Variants in GRID2 observed in about 807,000 individuals in gnomAD.
GRID2 encodes the protein glutamate ionotropic receptor delta type subunit 2, also known as glutamate receptor ionotropic, delta-2.
In GRID2, 33 loss-of-function variants were observed where a neutral mutation model predicts 114.8. That is an observed-to-expected ratio of 0.29 (90% CI 0.22 to 0.38). The LOEUF is 0.38. GRID2 is among the 10% of genes least tolerant of loss of function. The pLI is 1.00. For synonymous variants in GRID2, 505 were observed against 449.9 expected (o/e 1.12, Z -1.55); for missense variants, 1,184 against 1,257.7 (o/e 0.94, Z 0.89).
At chr4:93,182,807 T>C (rs1237590411) in intron 4 of GRID2, among the ~76,000 whole-genome samples, 1 of 152,234 alleles carries the variant, frequency 6.6e-6, no homozygotes, top group East Asian at 1.9e-4. Context: ...AACCTTGATT[T>C]TGTCTTTTTC....
chr4:93,300,678 G>A lies in GRID2; in HGVS notation c.1245+62188G>A, dbSNP rs1754774270. 3.3e-5 allele frequency among the ~76,000 whole-genome samples: 5 copies of A among 152,234 alleles called. No individual in the cohort carries two copies. In the South Asian group the frequency reaches 6.2e-4, roughly 19 times the overall value. On this transcript the variant is annotated intron_variant, in intron 8 of 15. Coordinates refer to ENST00000282020, the MANE Select transcript of GRID2 (RefSeq NM_001510.4). ...CCATAATACTGTAGCAGGACGAGCC[G>A]CAGACAAAACCTCTCAGACACCGAG...
chr4:92,444,248 A>T (rs895418706), intron 1 of GRID2, among the ~76,000 whole-genome samples: 17 of 152,198 alleles, frequency 1.1e-4, no homozygotes, highest in Non-Finnish European at 2.4e-4. Flanking sequence ...GCTTTGTGTG[A>T]GCGACACATC....
intron 14 of GRID2, among the ~76,000 whole-genome samples, chr4:93,753,631 A>G (rs1732513052): frequency 6.6e-6 from 1 of 152,120 alleles, no homozygotes; most frequent in South Asian, 2.1e-4. Context: ...GCTCAGAATG[A>G]CGGTTTCCAG....
At chr4:92,511,359 C>T (rs531932887) in intron 1 of GRID2, among the ~76,000 whole-genome samples, 3 of 151,932 alleles carry the variant, frequency 2.0e-5, no homozygotes, top group African/African-American at 7.2e-5. Flanking sequence ...AAGAATCTGC[C>T]CCCATGATCC....
chr4:92,672,615 G>T (rs947857475), intron 2 of GRID2, among the ~76,000 whole-genome samples: 1 of 151,854 alleles, frequency 6.6e-6, no homozygotes, highest in Non-Finnish European at 1.5e-5. Context: ...TGTACTTATT[G>T]GCATGGATGT....
intron 2 of GRID2, among the ~76,000 whole-genome samples, chr4:92,598,407 AT>A (rs1729052670): frequency 6.6e-6 from 1 of 151,922 alleles, no homozygotes; most frequent in Admixed American, 6.6e-5. Context: ...TTATAGTACT[AT>A]TTTTAAACTC....
In GRID2 at chr4:93,644,302, G is replaced by A. The variant is rs549161015; in HGVS notation, c.2360+17867G>A. Among the ~76,000 whole-genome samples the A allele has an allele frequency of 1.8e-4, 25 of 140,296 alleles. 5 individuals are homozygous for A. In the East Asian group the frequency reaches 4.1e-3, roughly 23 times the overall value. The allele number at this position is 140,296 out of a possible 152,430, so 92.0% of individuals were successfully genotyped here. ...TCGCTCACGCTGGGAGCTGTAGACC[G>A]GAGCTGTTCCTATTCGGCCATCTTG... On this transcript the variant is annotated intron_variant, in intron 14 of 15. Coordinates refer to ENST00000282020, the MANE Select transcript of GRID2 (RefSeq NM_001510.4).
At chr4:93,560,696 T>TCTCAGATTCCTGGC (rs1734837559) in intron 13 of GRID2, among the ~76,000 whole-genome samples, 1 of 152,116 alleles carries the variant, frequency 6.6e-6, no homozygotes, top group Non-Finnish European at 1.5e-5. Flanking sequence ...CCCAGGCTGG[T>TCTCAGATTCCTGGC]CTCAGATTCC....
At chr4:93,606,240 C>A (rs981443234) in intron 13 of GRID2, among the ~76,000 whole-genome samples, 2 of 151,942 alleles carry the variant, frequency 1.3e-5, no homozygotes, top group African/African-American at 4.8e-5. Flanking sequence ...GCACTCCAAC[C>A]TGGGCGACAA....
At chr4:92,938,293 TTTC>T (rs1750818225) in intron 2 of GRID2, among the ~76,000 whole-genome samples, 1 of 146,694 alleles carries the variant, frequency 6.8e-6, no homozygotes, top group African/African-American at 2.4e-5. Context: ...TTGGGATTCT[TTTC>T]TTATCAATAG....
At chr4:92,407,880 G>A (rs1731101723) in intron 1 of GRID2, among the ~76,000 whole-genome samples, 1 of 152,086 alleles carries the variant, frequency 6.6e-6, no homozygotes, top group Non-Finnish European at 1.5e-5. Context: ...CCATTCTGTA[G>A]GTTGTCTGTT....
chr4:93,549,657 A>G (rs1733574776), intron 13 of GRID2, among the ~76,000 whole-genome samples: 1 of 152,204 alleles, frequency 6.6e-6, no homozygotes, highest in Non-Finnish European at 1.5e-5. Flanking sequence ...ATAAAATTCC[A>G]CAGTATTTTA....
intron 1 of GRID2, among the ~76,000 whole-genome samples, chr4:92,413,348 A>G (rs1232734521): frequency 1.3e-5 from 2 of 152,122 alleles, no homozygotes; most frequent in African/African-American, 4.8e-5. Flanking sequence ...AAAATGATCC[A>G]TTTCATAGAA....
intron 1 of GRID2, among the ~76,000 whole-genome samples, chr4:92,337,251 T>G (rs1208284404): frequency 6.6e-6 from 1 of 152,170 alleles, no homozygotes; most frequent in Non-Finnish European, 1.5e-5. Context: ...ACTGTTAAGA[T>G]AGAAAACGGT....
In GRID2 at chr4:93,699,634, C is replaced by T. The variant is rs143732521; in HGVS notation, c.2361-69576C>T. Among the ~76,000 whole-genome samples the T allele has an allele frequency of 3.5e-3, 539 of 152,018 alleles. 4 individuals carry two copies. Among genetic ancestry groups the T allele is most frequent in the African/African-American group, 0.012 (515 of 41,460 alleles). ...ACCCAGGTTTTTCTAAGCCAAAAGCCCTTTATAGTTCTGTCTTCAGTTGTG... is the reference window on the plus strand; with the variant it reads ...ACCCAGGTTTTTCTAAGCCAAAAGCTCTTTATAGTTCTGTCTTCAGTTGTG... On this transcript the variant is annotated intron_variant, in intron 14 of 15. Transcript: ENST00000282020.
intron 9 of GRID2, among the ~76,000 whole-genome samples, chr4:93,401,758 A>G (rs979383465): frequency 6.6e-6 from 1 of 152,138 alleles, no homozygotes; most frequent in Non-Finnish European, 1.5e-5. Context: ...CATTACCACA[A>G]AGCAATATCC....
intron 2 of GRID2, among the ~76,000 whole-genome samples, chr4:93,045,687 G>C (rs1726062636): frequency 6.6e-6 from 1 of 152,116 alleles, no homozygotes; most frequent in Admixed American, 6.6e-5. Flanking sequence ...ACTGGGGCCT[G>C]TCCAGCATCT....
chr4:92,827,203 CTATTT>C (rs1262407630), intron 2 of GRID2, among the ~76,000 whole-genome samples: 2 of 151,816 alleles, frequency 1.3e-5, no homozygotes, highest in Admixed American at 1.3e-4. Context: ...TTAAACTATT[CTATTT>C]TATTTAAAAC....
intron 2 of GRID2, among the ~76,000 whole-genome samples, chr4:92,966,305 G>T (rs936991433): frequency 3.9e-5 from 6 of 151,918 alleles, no homozygotes; most frequent in Admixed American, 2.6e-4. Context: ...GATAATACTT[G>T]CCAGGAGTTC....
Sources: gnomAD v4.1 joint callset for allele counts (sites outside exome capture counted in the v4.1 genomes callset) on GRCh38, gnomAD v4.1.1 for gene constraint, MANE v1.5 for transcripts, NCBI Gene and HGNC (gene_info 2026-07-23, HGNC 2026-07-21) for gene names.